Variants in DNAH8 observed in about 807,000 individuals in gnomAD.
The protein encoded by DNAH8 is axonemal beta dynein heavy chain 8.
DNAH8 carries 382 observed loss-of-function variants against 562.1 expected under a neutral mutation model. The ratio of observed to expected loss-of-function variants is 0.68; its 90% CI spans 0.63 to 0.74. DNAH8 has a LOEUF of 0.74. DNAH8 is among the 30% of genes least tolerant of loss of function. The pLI, the probability that DNAH8 is intolerant of heterozygous loss-of-function variation, is 0.00. For missense variants in DNAH8, 5,203 were observed against 5,620.4 expected, an observed-to-expected ratio of 0.93 and a Z score of 2.37; for synonymous variants, 1,881 against 1,919.4, an observed-to-expected ratio of 0.98 and a Z score of 0.52.
chr6:38,985,817 A>T (rs1764350139), intron 87 of DNAH8, among the ~76,000 whole-genome samples: 1 of 152,224 alleles, frequency 6.6e-6, no homozygotes, highest in African/African-American at 2.4e-5. Flanking sequence ...TTCCTGCAAG[A>T]CATGACCTTG....
intron 70 of DNAH8, 135 bp from the exon 71 acceptor site, chr6:38,921,234 C>T (rs1490129851): frequency 9.7e-7 from 1 of 1,026,198 alleles, no homozygotes; most frequent in African/African-American, 1.6e-5. Flanking sequence ...CTTTGCTTTC[C>T]CAGCTGAAGA....
At chr6:38,931,787 A>G (rs1011666448) in intron 75 of DNAH8, 24 bp from the exon 76 acceptor site, 43 of 1,491,778 alleles carry the variant, frequency 2.9e-5, no homozygotes, top group Non-Finnish European at 3.7e-5. Context: ...AGCTGTTTTT[A>G]ATTTTATATG....
chr6:38,847,994 C>G (rs774790947), intron 36 of DNAH8, among the ~76,000 whole-genome samples: 5 of 152,092 alleles, frequency 3.3e-5, no homozygotes, highest in South Asian at 2.1e-4. Flanking sequence ...GTTGTAGTAC[C>G]TGGTGTAATT....
At position 38,870,411 on chromosome 6, in the gene DNAH8, A is replaced by T. The variant is rs1328776627; in HGVS notation, c.6839A>T (p.Asp2280Val). The T allele has an allele frequency of 1.2e-6, 2 of 1,612,930 alleles. No individual in the cohort carries two copies. Among genetic ancestry groups the T allele is most frequent in the African/African-American group, 2.7e-5 (2 of 74,888 alleles). ...ACTATGCCACCTTAGGTTGATGAAG[A>T]TGAACCCCTGTTCCTCAGCTTAATC... Reference protein sequence around the residue: ...DMNLSKLVDEDEPLFLSLIND... With the variant: ...DMNLSKLVDEVEPLFLSLIND... Residue 2280 changes from aspartate to valine, a missense_variant, in exon 49 of 93, where the codon GAT becomes GTT. Physicochemically the swap from Asp to Val is radical, Grantham distance 152. Around this residue, in one of 6 missense-constraint regions of DNAH8, gnomAD observed 2,176 missense variants for 2,365.1 expected, o/e 0.92. Transcript: ENST00000327475.
At position 38,952,359 on chromosome 6, in the gene DNAH8, G is replaced by A. The variant is rs966269373; in HGVS notation, c.12451+839G>A. ...TCCTGTAAGAAGGACTTTCTTGACA[G>A]GACTGAGCCATCCTGTAAGAAGGAC... is the stretch of plus-strand genomic sequence containing the variant. On this transcript the variant is annotated intron_variant, in intron 82 of 92. Transcript: ENST00000327475. Among the ~76,000 whole-genome samples the A allele has an allele frequency of 4.6e-5, 7 of 152,132 alleles. No homozygotes were observed. In the East Asian group the frequency reaches 1.4e-3, roughly 29 times the overall value.
At chr6:38,924,414 A>G (rs899449134) in intron 73 of DNAH8, among the ~76,000 whole-genome samples, 9 of 152,020 alleles carry the variant, frequency 5.9e-5, no homozygotes, top group African/African-American at 9.7e-5. Flanking sequence ...CAGGAGGCTG[A>G]GGCAGGAGAA....
chr6:38,807,656 G>A lies in DNAH8; in HGVS notation c.3197G>A (p.Ser1066Asn). Residue 1066 changes from serine (S) to asparagine (N), a missense_variant, in exon 24 of 93, where the codon AGT becomes AAT. Around this residue, in one of 6 missense-constraint regions of DNAH8, gnomAD observed 2,176 missense variants for 2,365.1 expected, o/e 0.92. Coordinates refer to ENST00000327475, the MANE Select transcript of DNAH8 (RefSeq NM_001206927.2). ...TTTTTCTCTCATCAATTACTAGACA[G>A]TCTTCAAAAAGCTACACGGTTATCT... ...FAFFSHQLLD[S>N]LQKATRLSLD... 6.4e-7 allele frequency: 1 copy of A among 1,566,500 alleles called. No individual in the cohort carries two copies. Among genetic ancestry groups the A allele is most frequent in the Non-Finnish European group, 8.6e-7 (1 of 1,160,142 alleles).
intron 58 of DNAH8, among the ~76,000 whole-genome samples, chr6:38,893,475 A>G (rs911504536): frequency 1.3e-5 from 2 of 152,192 alleles, no homozygotes; most frequent in African/African-American, 4.8e-5. Context: ...TCAGTTACCA[A>G]TGGCTGCCGT....
rs1429960098 is a variant in DNAH8 at position 39,010,817 on chromosome 6, ACACGTATGTATGTATG to A, written c.13372-1397_13372-1382del. On this transcript the variant is annotated intron_variant, in intron 89 of 92. Coordinates refer to ENST00000327475, the MANE Select transcript of DNAH8 (RefSeq NM_001206927.2). ...CACGTGTACGCACACACACACACAC[ACACGTATGTATGTATG>A]TATGTATGTATGTATGTATGTATGT... Among the ~76,000 whole-genome samples, 91 of 128,930 alleles carry A rather than the reference ACACGTATGTATGTATG, an allele frequency of 7.1e-4. No individual in the cohort carries two copies. In the East Asian group the frequency reaches 0.014, roughly 20 times the overall value. The allele number at this position is 128,930 out of a possible 152,430, so 84.6% of individuals were successfully genotyped here. A position where few individuals can be genotyped will look rare whatever the true frequency, so the allele number is the denominator to read the frequency against.
chr6:38,914,977 T>C (rs1781195124), intron 67 of DNAH8, among the ~76,000 whole-genome samples: 1 of 152,046 alleles, frequency 6.6e-6, no homozygotes, highest in African/African-American at 2.4e-5. Flanking sequence ...TATTTATTTA[T>C]ATATATATTC....
intron 22 of DNAH8, among the ~76,000 whole-genome samples, chr6:38,804,605 C>G (rs533483845): frequency 3.2e-4 from 49 of 152,146 alleles, no homozygotes; most frequent in African/African-American, 1.2e-3. Flanking sequence ...CCCAGACTCT[C>G]GAAGGAGACC....
At chr6:38,988,539 T>C (rs994849129) in intron 87 of DNAH8, among the ~76,000 whole-genome samples, 4 of 152,194 alleles carry the variant, frequency 2.6e-5, no homozygotes, top group Non-Finnish European at 5.9e-5. Context: ...CATAACACTA[T>C]TCTCTTTAAT....
intron 24 of DNAH8, among the ~76,000 whole-genome samples, chr6:38,813,784 G>A (rs935798597): frequency 6.6e-6 from 1 of 152,142 alleles, no homozygotes; most frequent in African/African-American, 2.4e-5. Context: ...AATGCCTTTA[G>A]TAAACATTGT....
intron 35 of DNAH8, 31 bp downstream of exon 35, chr6:38,842,934 T>A (rs369434905): frequency 3.6e-5 from 57 of 1,602,052 alleles, no homozygotes; most frequent in Middle Eastern, 1.7e-4. Context: ...TTATCAATGA[T>A]CCATTAAAGA....
At chr6:38,775,982 A>G (rs767826188) in intron 13 of DNAH8, 31 bp downstream of exon 13, 4 of 1,407,330 alleles carry the variant, frequency 2.8e-6, no homozygotes, top group Non-Finnish European at 4.0e-6. Flanking sequence ...TTACTTAGTA[A>G]AGCTGAAAAG....
chr6:38,794,240 A>G (rs1770021068), intron 21 of DNAH8, among the ~76,000 whole-genome samples: 3 of 151,692 alleles, frequency 2.0e-5, no homozygotes, highest in South Asian at 2.1e-4. Context: ...TTTACCTGAT[A>G]TTAAGCAAGG....
At chr6:38,745,184 C>T (rs1764826627) in intron 8 of DNAH8, among the ~76,000 whole-genome samples, 1 of 152,180 alleles carries the variant, frequency 6.6e-6, no homozygotes, top group African/African-American at 2.4e-5. Context: ...ACACAACCTA[C>T]TGCAGGTGCA....
rs778720528 is a variant in DNAH8, at chr6:38,862,266, A to G, written c.6132-14A>G. On this transcript the variant is annotated splice_polypyrimidine_tract_variant and intron_variant, in intron 43 of 92. Coordinates refer to ENST00000327475, the MANE Select transcript of DNAH8 (RefSeq NM_001206927.2). ...TCCCATACTCACAATGCTTTATTGG[A>G]TGAACATTTGCAGATGCTATATCAC... 3 of 1,607,006 alleles carry G rather than the reference A, an allele frequency of 1.9e-6. No individual in the cohort carries two copies. The highest frequency in any genetic ancestry group is 2.2e-5 in the South Asian group (2 of 89,602).
chr6:39,025,158 G>A (rs1767189526), intron 91 of DNAH8, among the ~76,000 whole-genome samples: 1 of 152,208 alleles, frequency 6.6e-6, no homozygotes. Context: ...ATCCATGTGT[G>A]TGTGTGTGCT....
Sources: gnomAD v4.1 joint callset for allele counts (sites outside exome capture counted in the v4.1 genomes callset) on GRCh38, gnomAD v4.1.1 for gene constraint, gnomAD v4.1.1 regional missense constraint, MANE v1.5 for transcripts, NCBI Gene and HGNC (gene_info 2026-07-23, HGNC 2026-07-21) for gene names.